Variants in HS6ST3 observed in about 807,000 individuals in gnomAD.
The protein encoded by HS6ST3 is heparan sulfate 6-O-sulfotransferase 3, also known as heparan-sulfate 6-O-sulfotransferase 3.
In HS6ST3, 12 loss-of-function variants were observed where a neutral mutation model predicts 36.7. The ratio of observed to expected loss-of-function variants is 0.33; its 90% CI spans 0.21 to 0.53. The LOEUF (loss-of-function observed/expected upper bound fraction) is 0.53, where lower values mean the gene tolerates loss of function less well. Among genes scored for constraint, HS6ST3 ranks in the 20% least tolerant of loss-of-function variants. The pLI is 0.95. For synonymous variants in HS6ST3, 240 were observed against 257.5 expected, an observed-to-expected ratio of 0.93 and a Z score of 0.65; for missense variants, 584 against 640.9, an observed-to-expected ratio of 0.91 and a Z score of 0.96.
At chr13:96,434,684 C>G (rs1342681487) in intron 1 of HS6ST3, among the ~76,000 whole-genome samples, 1 of 152,066 alleles carries the variant, frequency 6.6e-6, no homozygotes, top group East Asian at 1.9e-4. Flanking sequence ...AGCTGCCCAC[C>G]CTTCTTCCTG....
Position 96,838,179 on chromosome 13 carries a change from G to T in HS6ST3, c.*4981G>T, listed in dbSNP as rs188503242. 6.6e-6 allele frequency: 1 copy of T among 152,274 alleles called. No individual in the cohort carries two copies. The highest frequency in any genetic ancestry group is 1.9e-4 in the East Asian group (1 of 5,186). 9.4% of individuals were successfully genotyped at this position (152,274 alleles called of 1,614,324 possible). ...GATCTTTCCAAGGTGGAAAGGTAAT[G>T]AATTAAATATATGACATGTAATACT... On this transcript the variant is annotated 3_prime_UTR_variant, in exon 2 of 2. Transcript: ENST00000376705.
intron 1 of HS6ST3, among the ~76,000 whole-genome samples, chr13:96,799,948 A>ATATATATATATATG (rs1878006665): frequency 2.7e-4 from 27 of 101,264 alleles, no homozygotes; most frequent in East Asian, 7.4e-4. Context: ...GTGTGTGTAT[A>ATATATATATATATG]TATATATATA....
At chr13:96,118,129 C>G (rs1180499476) in intron 1 of HS6ST3, among the ~76,000 whole-genome samples, 1 of 152,104 alleles carries the variant, frequency 6.6e-6, no homozygotes, top group African/African-American at 2.4e-5. Flanking sequence ...ACATTGGCCT[C>G]CAAAAACTCT....
intron 1 of HS6ST3, among the ~76,000 whole-genome samples, chr13:96,557,399 T>C (rs2056245194): frequency 6.6e-6 from 1 of 152,118 alleles, no homozygotes; most frequent in East Asian, 1.9e-4. Flanking sequence ...GGTGGTCTTA[T>C]AAGTAAAGAG....
At chr13:96,253,082 AG>A (rs745417662) in intron 1 of HS6ST3, among the ~76,000 whole-genome samples, 3 of 152,128 alleles carry the variant, frequency 2.0e-5, no homozygotes, top group Non-Finnish European at 4.4e-5. Context: ...GGGACCACAC[AG>A]GGTGCTAGGG....
intron 1 of HS6ST3, among the ~76,000 whole-genome samples, chr13:96,270,887 T>C (rs2054716440): frequency 6.6e-6 from 1 of 151,882 alleles, no homozygotes; most frequent in Admixed American, 6.6e-5. Flanking sequence ...ATGCTTTTCC[T>C]TCCCTGGAAT....
chr13:96,612,066 G>A (rs2056458858), intron 1 of HS6ST3, among the ~76,000 whole-genome samples: 1 of 152,286 alleles, frequency 6.6e-6, no homozygotes, highest in Admixed American at 6.5e-5. Context: ...GGGGATAAAA[G>A]AGAGAGGAAG....
At chr13:96,819,618 C>T (rs1475648189) in intron 1 of HS6ST3, among the ~76,000 whole-genome samples, 2 of 152,164 alleles carry the variant, frequency 1.3e-5, no homozygotes, top group African/African-American at 4.8e-5. Flanking sequence ...ACCATTATAT[C>T]ATAAGCACCT....
At chr13:96,698,503 T>C (rs934906195) in intron 1 of HS6ST3, among the ~76,000 whole-genome samples, 2 of 152,306 alleles carry the variant, frequency 1.3e-5, no homozygotes, top group East Asian at 3.9e-4. Context: ...GAACTCCCAT[T>C]CACAATTGCT....
At chr13:96,526,380 A>G (rs2056114646) in intron 1 of HS6ST3, among the ~76,000 whole-genome samples, 1 of 152,164 alleles carries the variant, frequency 6.6e-6, no homozygotes, top group Non-Finnish European at 1.5e-5. Flanking sequence ...GAGACTTAGA[A>G]TTATTTCCTC....
Position 96,681,142 on chromosome 13 carries a change from G to A in HS6ST3, c.708-151348G>A, listed in dbSNP as rs568806121. On this transcript the variant is annotated intron_variant, in intron 1 of 1. Transcript: ENST00000376705. ...AGTTTTCACTCGAAGAAGAGTGCTG[G>A]ATCATGTTAATTTTGTTTGCATTAG... is the stretch of plus-strand genomic sequence containing the variant. Among the ~76,000 whole-genome samples, 6 of 152,250 alleles carry A rather than the reference G, an allele frequency of 3.9e-5. No individual in the cohort carries two copies. The East Asian group carries it at 1.2e-3, about 29-fold the overall frequency.
intron 1 of HS6ST3, among the ~76,000 whole-genome samples, chr13:96,718,206 T>C (rs935221681): frequency 1.1e-4 from 17 of 152,184 alleles, no homozygotes; most frequent in African/African-American, 4.1e-4. Flanking sequence ...TAATTTTGTT[T>C]ATGTCTATCT....
intron 1 of HS6ST3, among the ~76,000 whole-genome samples, chr13:96,479,885 A>G (rs916828163): frequency 5.7e-4 from 87 of 152,154 alleles, no homozygotes; most frequent in African/African-American, 2.0e-3. Flanking sequence ...AAACACCATG[A>G]CAGTGAGAGA....
At chr13:96,626,647 T>C (rs2056513454) in intron 1 of HS6ST3, among the ~76,000 whole-genome samples, 1 of 152,140 alleles carries the variant, frequency 6.6e-6, no homozygotes. Context: ...GTAGAAAAAT[T>C]TGGGATGAAC....
At chr13:96,418,757 C>A (rs1007416163) in intron 1 of HS6ST3, among the ~76,000 whole-genome samples, 2 of 152,218 alleles carry the variant, frequency 1.3e-5, no homozygotes, top group African/African-American at 2.4e-5. Context: ...AGAAAACAAG[C>A]TGTCTGAGCT....
At chr13:96,265,987 T>C (rs888956253) in intron 1 of HS6ST3, among the ~76,000 whole-genome samples, 4 of 152,166 alleles carry the variant, frequency 2.6e-5, no homozygotes, top group South Asian at 2.1e-4. Context: ...AGTAGAATTC[T>C]GGACTACTCC....
chr13:96,305,878 C>A (rs2054910058), intron 1 of HS6ST3, among the ~76,000 whole-genome samples: 1 of 136,572 alleles, frequency 7.3e-6, no homozygotes, highest in African/African-American at 2.7e-5. Flanking sequence ...AGACGGAGTT[C>A]ATGGTTCATT....
At chr13:96,695,497 G>A (rs762517193) in intron 1 of HS6ST3, among the ~76,000 whole-genome samples, 1 of 152,086 alleles carries the variant, frequency 6.6e-6, no homozygotes, top group Non-Finnish European at 1.5e-5. Context: ...GCATAATCAT[G>A]ACCATAGTTC....
intron 1 of HS6ST3, among the ~76,000 whole-genome samples, chr13:96,459,456 C>T (rs1040196257): frequency 2.6e-5 from 4 of 151,928 alleles, no homozygotes; most frequent in African/African-American, 9.7e-5. Context: ...ACACTAATTT[C>T]AGAATAGAGT....
Sources: gnomAD v4.1 joint callset for allele counts (sites outside exome capture counted in the v4.1 genomes callset) on GRCh38, gnomAD v4.1.1 for gene constraint, MANE v1.5 for transcripts, NCBI Gene and HGNC (gene_info 2026-07-23, HGNC 2026-07-21) for gene names.